Variants in LIFR observed in about 807,000 individuals in gnomAD.
LIFR encodes LIF receptor subunit alpha.
LIFR carries 84 observed loss-of-function variants against 122.2 expected under a neutral mutation model. The ratio of observed to expected loss-of-function variants is 0.69; its 90% confidence interval spans 0.58 to 0.82. The LOEUF (loss-of-function observed/expected upper bound fraction) is 0.82. Among genes scored for constraint, LIFR ranks in the 40% least tolerant of loss-of-function variants. The probability of loss-of-function intolerance (pLI) is 0.00; values close to 1 mark genes in which losing one functional copy is unlikely to be tolerated. For missense variants in LIFR, 1,294 were observed against 1,311.6 expected (o/e 0.99, Z 0.21); for synonymous variants, 422 against 434.7 (o/e 0.97, Z 0.36).
upstream of LIFR, among the ~76,000 whole-genome samples, chr5:38,597,586 T>C (rs553575436): frequency 1.3e-5 from 2 of 152,146 alleles, no homozygotes; most frequent in Non-Finnish European, 2.9e-5. Flanking sequence ...CTGGGTGAGG[T>C]AGTGCTACTA....
intron 7 of LIFR, among the ~76,000 whole-genome samples, chr5:38,507,208 T>C (rs1419709434): frequency 6.6e-6 from 1 of 152,108 alleles, no homozygotes; most frequent in Admixed American, 6.6e-5. Context: ...CTCCCCAGCT[T>C]TAAGGCAGGA....
intron 1 of LIFR, among the ~76,000 whole-genome samples, chr5:38,573,066 G>A (rs1749267464): frequency 6.6e-6 from 1 of 152,244 alleles, no homozygotes; most frequent in South Asian, 2.1e-4. Flanking sequence ...TTCACTAGAA[G>A]GGAGCAAAAC....
intron 11 of LIFR, among the ~76,000 whole-genome samples, 178 bp from the exon 12 acceptor site, chr5:38,499,761 C>A (rs1203377877): frequency 6.6e-6 from 1 of 152,128 alleles, no homozygotes; most frequent in African/African-American, 2.4e-5. Context: ...GCAAAACACA[C>A]GGCCCCCTCG....
Position 38,548,322 on chromosome 5 carries a change from A to G in LIFR, c.-20+8012T>C, listed in dbSNP as rs1161504561. On this transcript the variant is annotated intron_variant, in intron 1 of 19. Transcript: ENST00000453190. ...GAATGTCAACGAAGTGAAATAACCT[A>G]GTATGTTCCTCATATACAGTAGTTT... is the stretch of plus-strand genomic sequence containing the variant. Among the ~76,000 whole-genome samples, 3 of 152,238 alleles carry G rather than the reference A, an allele frequency of 2.0e-5. No homozygotes were observed. In the South Asian group the frequency reaches 6.2e-4, roughly 31 times the overall value.
intron 1 of LIFR, among the ~76,000 whole-genome samples, chr5:38,553,653 T>TATAC (rs1748352577): frequency 9.7e-6 from 1 of 103,356 alleles, no homozygotes. Flanking sequence ...TATATATATA[T>TATAC]ATATATATAT....
intron 5 of LIFR, among the ~76,000 whole-genome samples, chr5:38,517,945 A>G (rs1746188077): frequency 1.4e-5 from 2 of 146,768 alleles, no homozygotes; most frequent in Non-Finnish European, 3.0e-5. Context: ...TCTCTATGAA[A>G]AAAAAAAAAA....
chr5:38,557,252 C>CT (rs1249630291), upstream of LIFR: 2 of 152,202 alleles, frequency 1.3e-5, no homozygotes, highest in African/African-American at 4.8e-5. Flanking sequence ...GCCATCTAGT[C>CT]TTGCCTCGGA....
chr5:38,527,191 A>C lies in LIFR; in HGVS notation c.361T>G (p.Ser121Ala). 6.3e-7 allele frequency: 1 copy of C among 1,591,522 alleles called. No homozygotes were observed. Among genetic ancestry groups the C allele is most frequent in the Non-Finnish European group, 8.6e-7 (1 of 1,161,498 alleles). ...TCATTTAGTGTGAATTTACTTGTAG[A>C]ACTTCCAAAATCATGTAGAGAATTT... is the stretch of plus-strand genomic sequence containing the variant. The part of the protein sequence containing the change: ...TINSLHDFGS[S>A]TSKFTLNEQN... The change falls in exon 4 of 20, where the codon TCT becomes GCT. Residue 121 changes from serine (S) to alanine (A), a missense_variant. Physicochemically the swap from Ser to Ala is moderately conservative, Grantham distance 99. Coordinates refer to ENST00000453190, the MANE Select transcript of LIFR (RefSeq NM_001127671.2).
Position 38,496,524 on chromosome 5 carries a change from T to C in LIFR, c.1743A>G (p.Thr581=), listed in dbSNP as rs531980071. The change falls in exon 13 of 20, where the codon ACA becomes ACG. Residue 581 remains threonine, a synonymous_variant. Transcript: ENST00000453190. ...GATCAGGGATTTCAGAAAGGGACTG[T>C]GTTTCCTCATCTGATGAACACGATA... is the stretch of plus-strand genomic sequence containing the variant. The part of the protein sequence containing the change: ...YNVSCSSDEE[T]QSLSEIPDPQ... The C allele has an allele frequency of 1.2e-6, 2 of 1,613,906 alleles. No homozygotes were observed. The highest frequency in any genetic ancestry group is 1.3e-5 in the African/African-American group (1 of 75,056).
chr5:38,554,601 G>A (rs1399799501), intron 1 of LIFR, among the ~76,000 whole-genome samples: 1 of 152,186 alleles, frequency 6.6e-6, no homozygotes, highest in Non-Finnish European at 1.5e-5. Context: ...ACTCTGGGGA[G>A]GGAAGCGGGG....
intron 7 of LIFR, among the ~76,000 whole-genome samples, chr5:38,507,478 C>T (rs1451261936): frequency 1.3e-5 from 2 of 148,502 alleles, no homozygotes; most frequent in African/African-American, 5.0e-5. Context: ...GCAGGAGAAC[C>T]GCTTGAACCT....
chr5:38,492,458 AG>A (rs1459057011), intron 14 of LIFR, among the ~76,000 whole-genome samples: 1 of 152,066 alleles, frequency 6.6e-6, no homozygotes, highest in African/African-American at 2.4e-5. Context: ...GCAACATGGG[AG>A]GGGATGGAAG....
intron 10 of LIFR, 23 bp downstream of exon 10, chr5:38,503,949 CAAAG>C: frequency 6.8e-7 from 1 of 1,466,594 alleles, no homozygotes; most frequent in East Asian, 2.3e-5. Context: ...AAAATAATCA[CAAAG>C]GAAGTCTTTA....
intron 6 of LIFR, among the ~76,000 whole-genome samples, chr5:38,511,412 T>C (rs1420750097): frequency 6.6e-6 from 1 of 152,140 alleles, no homozygotes; most frequent in Non-Finnish European, 1.5e-5. Context: ...CCCGTGTTCC[T>C]GGCAATAACT....
rs1748572962 is a variant in LIFR at position 38,556,635 on chromosome 5, C to T, written c.-321G>A. 3 of 147,924 alleles carry T rather than the reference C, an allele frequency of 2.0e-5. No individual in the cohort carries two copies. Among genetic ancestry groups the T allele is most frequent in the African/African-American group, 7.3e-5 (3 of 40,920 alleles). 9.2% of individuals were successfully genotyped at this position (147,924 alleles called of 1,614,324 possible). A position where few individuals can be genotyped will look rare whatever the true frequency, so the allele number is the denominator to read the frequency against. ...CGGCCACCGCCACGGCCGAGTCGCT[C>T]CAGCCGGGACTGCGGCGCGCGGGGG... On this transcript the variant is annotated 5_prime_UTR_variant, in exon 1 of 20. Transcript: ENST00000453190.
At chr5:38,590,516 C>A (rs545715944) in intron 1 of LIFR, among the ~76,000 whole-genome samples, 6 of 152,210 alleles carry the variant, frequency 3.9e-5, no homozygotes, top group African/African-American at 1.4e-4. Flanking sequence ...AACTAAGGAC[C>A]ACCTATGACT....
At chr5:38,590,260 T>C (rs187395839) in intron 1 of LIFR, among the ~76,000 whole-genome samples, 1 of 152,272 alleles carries the variant, frequency 6.6e-6, no homozygotes, top group East Asian at 1.9e-4. Flanking sequence ...AGCTGGGTAC[T>C]TGAAAATCCC....
At chr5:38,579,320 G>A (rs1320528988) in intron 1 of LIFR, 2 of 152,136 alleles carry the variant, frequency 1.3e-5, no homozygotes, top group African/African-American at 2.4e-5. Flanking sequence ...CCACACTTGG[G>A]GCCAGTGAAG....
intron 12 of LIFR, among the ~76,000 whole-genome samples, chr5:38,498,933 T>C (rs1745032060): frequency 6.6e-6 from 1 of 152,210 alleles, no homozygotes; most frequent in African/African-American, 2.4e-5. Context: ...AAAGGAATCC[T>C]ATTATGACTG....
Sources: gnomAD v4.1 joint callset for allele counts (sites outside exome capture counted in the v4.1 genomes callset) on GRCh38, gnomAD v4.1.1 for gene constraint, MANE v1.5 for transcripts, NCBI Gene and HGNC (gene_info 2026-07-23, HGNC 2026-07-21) for gene names.